SLC35F3: variants seen among roughly 807,000 people sequenced by gnomAD.
SLC35F3 encodes solute carrier family 35 member F3.
A neutral mutation model predicts 49.9 loss-of-function variants in SLC35F3; 25 were observed. The observed-to-expected ratio is 0.50, with a 90% confidence interval of 0.37 to 0.70. The LOEUF is 0.70. Ranked by LOEUF, SLC35F3 falls within the 30% of genes least tolerant of loss-of-function variation. SLC35F3 has a pLI of 0.00. For synonymous variants in SLC35F3, 275 were observed against 265.4 expected (o/e 1.04, Z -0.35); for missense variants, 525 against 639.8 (o/e 0.82, Z 1.94).
At chr1:234,206,318 G>T (rs1480451152) in intron 2 of SLC35F3, among the ~76,000 whole-genome samples, 1 of 151,978 alleles carries the variant, frequency 6.6e-6, no homozygotes, top group Non-Finnish European at 1.5e-5. Context: ...GGGGAGGAGA[G>T]CCGGTTTCTC....
chr1:234,196,969 A>T (rs1666823257), intron 2 of SLC35F3, among the ~76,000 whole-genome samples: 1 of 152,164 alleles, frequency 6.6e-6, no homozygotes, highest in Non-Finnish European at 1.5e-5. Flanking sequence ...ACAAAGATAA[A>T]CATAGCTGGA....
At chr1:234,149,691 A>G (rs1666044077) in intron 2 of SLC35F3, among the ~76,000 whole-genome samples, 1 of 152,094 alleles carries the variant, frequency 6.6e-6, no homozygotes, top group Admixed American at 6.5e-5. Flanking sequence ...CATGTTTGAT[A>G]TTTTCAAAAG....
intron 2 of SLC35F3, among the ~76,000 whole-genome samples, chr1:234,130,635 ACT>A (rs1362671302): frequency 1.6e-5 from 2 of 122,856 alleles, no homozygotes; most frequent in Non-Finnish European, 3.6e-5. Flanking sequence ...AGAGAGAGAG[ACT>A]CTGTCAAAAA....
At chr1:234,253,965 A>G (rs1558274815) in intron 3 of SLC35F3, among the ~76,000 whole-genome samples, 1 of 152,180 alleles carries the variant, frequency 6.6e-6, no homozygotes, top group Non-Finnish European at 1.5e-5. Flanking sequence ...TTATGACCCT[A>G]CTGCCTCTCA....
intron 2 of SLC35F3, among the ~76,000 whole-genome samples, chr1:234,138,408 A>G (rs1246767481): frequency 2.0e-5 from 3 of 152,188 alleles, no homozygotes; most frequent in Non-Finnish European, 4.4e-5. Flanking sequence ...ACCTTCCAGC[A>G]AAGAAGGGGT....
chr1:234,198,266 A>G (rs1189573624), intron 2 of SLC35F3, among the ~76,000 whole-genome samples: 3 of 152,204 alleles, frequency 2.0e-5, no homozygotes, highest in Non-Finnish European at 4.4e-5. Context: ...AAGATGAAAC[A>G]TTTCCTAGGA....
At chr1:233,925,381 T>C (rs1662139740) in intron 2 of SLC35F3, among the ~76,000 whole-genome samples, 1 of 152,232 alleles carries the variant, frequency 6.6e-6, no homozygotes, top group South Asian at 2.1e-4. Flanking sequence ...CCTTTACCAT[T>C]ATGTAATGGC....
At position 234,266,887 on chromosome 1, in the gene SLC35F3, T is replaced by TG. The variant is rs1319165220; in HGVS notation, c.608+35146_608+35147insG. On this transcript the variant is annotated intron_variant, in intron 3 of 7. Transcript: ENST00000366618. ...TGAAGCACATGGTTTTTTTTTTTTT[T>TG]TTTTTTTTTTATTGATCATTCTTGG... 3.2e-4 allele frequency among the ~76,000 whole-genome samples: 47 copies of TG among 149,144 alleles called. 1 individual carries two copies. The highest frequency in any genetic ancestry group is 2.5e-3 in the Admixed American group (37 of 15,056).
chr1:234,244,048 T>C (rs1400098925), intron 3 of SLC35F3, among the ~76,000 whole-genome samples: 1 of 152,076 alleles, frequency 6.6e-6, no homozygotes, highest in Non-Finnish European at 1.5e-5. Flanking sequence ...AAACTAAACT[T>C]CTGTGTGCCA....
intron 1 of SLC35F3, 138 bp from the exon 2 acceptor site, chr1:233,905,391 G>C (rs1381121092): frequency 5.5e-6 from 4 of 732,646 alleles, no homozygotes; most frequent in Non-Finnish European, 8.8e-6. Flanking sequence ...AGGAGCGCGG[G>C]CTCTGCCGCG....
intron 2 of SLC35F3, among the ~76,000 whole-genome samples, chr1:233,935,882 C>A (rs1662318646): frequency 6.6e-6 from 1 of 152,172 alleles, no homozygotes; most frequent in Admixed American, 6.5e-5. Context: ...CTTTTTCATT[C>A]ATCCTCTGCT....
intron 2 of SLC35F3, among the ~76,000 whole-genome samples, chr1:234,042,178 A>G (rs1664231004): frequency 6.6e-6 from 1 of 152,218 alleles, no homozygotes; most frequent in African/African-American, 2.4e-5. Flanking sequence ...GAAATGGTAC[A>G]TAATAAGCAG....
At chr1:234,141,652 C>T (rs1347556754) in intron 2 of SLC35F3, among the ~76,000 whole-genome samples, 2 of 152,202 alleles carry the variant, frequency 1.3e-5, no homozygotes, top group African/African-American at 4.8e-5. Context: ...ACAAAGGCCT[C>T]CTGGTCTACT....
intron 2 of SLC35F3, among the ~76,000 whole-genome samples, chr1:233,991,436 GA>G (rs1241639456): frequency 2.1e-5 from 3 of 144,010 alleles, no homozygotes; most frequent in African/African-American, 2.6e-5. Context: ...TTCCATGGAA[GA>G]AAAAAAAAGA....
chr1:234,292,221 T>C (rs6677141), intron 3 of SLC35F3, among the ~76,000 whole-genome samples: 2,332 of 152,348 alleles, frequency 0.015, 58 homozygotes, highest in African/African-American at 0.054. Flanking sequence ...TGTGAGGCAG[T>C]TGATCTCTTG....
rs143071664 is a variant in SLC35F3 at position 233,926,598 on chromosome 1, A to G, written c.283+20840A>G. 3.4e-3 allele frequency among the ~76,000 whole-genome samples: 522 copies of G among 151,812 alleles called. 3 individuals carry two copies. The highest frequency in any genetic ancestry group is 0.012 in the African/African-American group (503 of 41,410). ...TCCTACATCCTCCTTTAGCTTGGAG[A>G]AGTTTGTTATTACCGATCTTCTGAA... On this transcript the variant is annotated intron_variant, in intron 2 of 7. Coordinates refer to ENST00000366618, the MANE Select transcript of SLC35F3 (RefSeq NM_173508.4).
intron 2 of SLC35F3, among the ~76,000 whole-genome samples, chr1:234,210,796 C>T (rs1667036248): frequency 6.6e-6 from 1 of 152,238 alleles, no homozygotes; most frequent in African/African-American, 2.4e-5. Context: ...AGGAAAATCC[C>T]ATTTTCCGGG....
intron 6 of SLC35F3, 113 bp from the exon 7 acceptor site, chr1:234,319,985 G>A: frequency 1.4e-6 from 1 of 717,262 alleles, no homozygotes; most frequent in South Asian, 1.6e-5. Flanking sequence ...GAGGGTCATT[G>A]TAACTCCTAT....
intron 2 of SLC35F3, among the ~76,000 whole-genome samples, chr1:234,222,238 T>C (rs1475105420): frequency 2.6e-5 from 4 of 152,188 alleles, no homozygotes. Flanking sequence ...CCTGTGTTTC[T>C]GTGTTAAATC....
Sources: allele counts gnomAD v4.1 joint callset (sites outside exome capture counted in the v4.1 genomes callset), GRCh38; gene constraint gnomAD v4.1.1; transcripts MANE v1.5; gene names NCBI Gene and HGNC (gene_info 2026-07-23, HGNC 2026-07-21).